Variants in GALNT13 observed in about 807,000 individuals in gnomAD.
GALNT13 encodes polypeptide N-acetylgalactosaminyltransferase 13.
In GALNT13, 28 loss-of-function variants were observed where a neutral mutation model predicts 64.2. That is an observed-to-expected ratio of 0.44 (90% CI 0.32 to 0.60). The LOEUF (loss-of-function observed/expected upper bound fraction) is 0.60. Among genes scored for constraint, GALNT13 ranks in the 20% least tolerant of loss-of-function variants. The probability of loss-of-function intolerance (pLI) is 0.05; values close to 1 mark genes in which losing one functional copy is unlikely to be tolerated. For synonymous variants in GALNT13, 214 were observed against 224.6 expected (o/e 0.95, Z 0.42); for missense variants, 577 against 669.8 (o/e 0.86, Z 1.53).
At chr2:153,774,770 C>T in the GALNT13 span, among the ~76,000 whole-genome samples, 1 of 152,080 alleles carries the variant, frequency 6.6e-6, no homozygotes, top group African/African-American at 2.4e-5. Flanking sequence ...AAAAAACAGG[C>T]ATGGTGGCAT....
At chr2:153,844,155 C>CT in the GALNT13 span, among the ~76,000 whole-genome samples, 1 of 152,164 alleles carries the variant, frequency 6.6e-6, no homozygotes, top group Admixed American at 6.5e-5. Flanking sequence ...CTCCACATTG[C>CT]TTTTTTAGAG....
At chr2:153,640,276 A>G in the GALNT13 span, among the ~76,000 whole-genome samples, 1 of 152,162 alleles carries the variant, frequency 6.6e-6, no homozygotes, top group African/African-American at 2.4e-5. Flanking sequence ...GCATAAGACT[A>G]TTTCATCCAG....
chr2:153,564,325 C>T, the GALNT13 span, among the ~76,000 whole-genome samples: 1 of 152,004 alleles, frequency 6.6e-6, no homozygotes, highest in Non-Finnish European at 1.5e-5. Flanking sequence ...TCACAATTTG[C>T]TGAAAATATT....
the GALNT13 span, among the ~76,000 whole-genome samples, chr2:153,693,047 G>A: frequency 1.1e-4 from 17 of 152,212 alleles, no homozygotes; most frequent in Non-Finnish European, 1.9e-4. Flanking sequence ...ATATATAGCA[G>A]AACCAAATGT....
chr2:154,003,915 A>G lies in GALNT13; in HGVS notation c.142+59276A>G, dbSNP rs145327558. On this transcript the variant is annotated intron_variant, in intron 3 of 12. Transcript: ENST00000392825. ...TCCTGAGGCCTCCCCAGAAGCAGAAACCACTATACTTCCTGTACAGCCTGT... is the reference window on the plus strand; with the variant it reads ...TCCTGAGGCCTCCCCAGAAGCAGAAGCCACTATACTTCCTGTACAGCCTGT... Among the ~76,000 whole-genome samples, 592 of 152,164 alleles carry G rather than the reference A, an allele frequency of 3.9e-3. 2 individuals carry two copies. Among genetic ancestry groups the G allele is most frequent in the African/African-American group, 0.014 (567 of 41,500 alleles).
chr2:153,334,323 C>A, the GALNT13 span, among the ~76,000 whole-genome samples: 4 of 152,238 alleles, frequency 2.6e-5, no homozygotes, highest in African/African-American at 9.6e-5. Flanking sequence ...GAAAAATATT[C>A]ATTTAATGAG....
intron 3 of GALNT13, among the ~76,000 whole-genome samples, chr2:153,953,622 T>C (rs1692358067): frequency 6.6e-6 from 1 of 152,202 alleles, no homozygotes; most frequent in Admixed American, 6.6e-5. Flanking sequence ...TGGATACCAG[T>C]GTGGAGATAC....
chr2:154,404,106 A>G (rs964835788), intron 10 of GALNT13, among the ~76,000 whole-genome samples: 5 of 152,122 alleles, frequency 3.3e-5, no homozygotes, highest in Admixed American at 2.6e-4. Context: ...CAGATTCTAC[A>G]TCCAGCCAGA....
At chr2:153,986,729 G>T (rs1340904308) in intron 3 of GALNT13, among the ~76,000 whole-genome samples, 1 of 151,982 alleles carries the variant, frequency 6.6e-6, no homozygotes, top group South Asian at 2.1e-4. Flanking sequence ...GGCTCAGAAT[G>T]CCTACGGAAA....
chr2:153,413,556 T>G, the GALNT13 span, among the ~76,000 whole-genome samples: 6 of 152,212 alleles, frequency 3.9e-5, no homozygotes, highest in African/African-American at 1.2e-4. Flanking sequence ...AAATTCCTTT[T>G]TTGTTGTTTT....
At chr2:153,201,647 T>C in the GALNT13 span, 1 of 137,878 alleles carries the variant, frequency 7.3e-6, no homozygotes, top group Non-Finnish European at 1.6e-5. Flanking sequence ...TTTACATCCA[T>C]TTAATTTATC....
At chr2:153,494,823 A>G in the GALNT13 span, among the ~76,000 whole-genome samples, 1 of 152,100 alleles carries the variant, frequency 6.6e-6, no homozygotes, top group African/African-American at 2.4e-5. Context: ...AGTAAGCCAC[A>G]TAGTAGGAGA....
chr2:153,869,452 C>T (rs1685813825), upstream of GALNT13, among the ~76,000 whole-genome samples: 1 of 152,108 alleles, frequency 6.6e-6, no homozygotes, highest in Admixed American at 6.5e-5. Flanking sequence ...ATCACAGTGA[C>T]ATTTTTGAAA....
At chr2:154,420,667 A>T (rs1700210010) in intron 11 of GALNT13, among the ~76,000 whole-genome samples, 1 of 152,072 alleles carries the variant, frequency 6.6e-6, no homozygotes, top group South Asian at 2.1e-4. Context: ...TCACCCTTAG[A>T]CTAGCTGTAT....
At chr2:153,526,750 C>G in the GALNT13 span, among the ~76,000 whole-genome samples, 3 of 152,072 alleles carry the variant, frequency 2.0e-5, no homozygotes, top group Non-Finnish European at 4.4e-5. Context: ...ACCTTTCACA[C>G]AGATAATTTA....
intron 4 of GALNT13, among the ~76,000 whole-genome samples, chr2:154,213,564 G>A (rs1447359586): frequency 6.6e-6 from 1 of 151,916 alleles, no homozygotes; most frequent in African/African-American, 2.4e-5. Flanking sequence ...AGGACTAGAT[G>A]GGTATGAAGA....
chr2:154,346,677 T>C (rs559033914), intron 9 of GALNT13, among the ~76,000 whole-genome samples: 1 of 152,268 alleles, frequency 6.6e-6, no homozygotes, highest in Admixed American at 6.5e-5. Context: ...CTTTCCTTTA[T>C]AAATTACCCA....
chr2:153,874,308 C>A (rs950949577), intron 1 of GALNT13, among the ~76,000 whole-genome samples: 4 of 151,972 alleles, frequency 2.6e-5, no homozygotes, highest in Admixed American at 2.0e-4. Flanking sequence ...TATCCACCTT[C>A]AATTCCATGG....
the GALNT13 span, among the ~76,000 whole-genome samples, chr2:153,497,194 T>C: frequency 1.3e-5 from 2 of 152,160 alleles, no homozygotes; most frequent in African/African-American, 4.8e-5. Flanking sequence ...AATTCTTTTC[T>C]GCTAAACACC....
Sources: gnomAD v4.1 joint callset for allele counts (sites outside exome capture counted in the v4.1 genomes callset) on GRCh38, gnomAD v4.1.1 for gene constraint, MANE v1.5 for transcripts, NCBI Gene and HGNC (gene_info 2026-07-23, HGNC 2026-07-21) for gene names.